PAXIP1: variants seen among roughly 807,000 people sequenced by gnomAD.
PAXIP1 encodes the protein PAX-interacting protein 1.
Under a neutral mutation model 140.6 loss-of-function variants are expected in PAXIP1, and 19 were observed. The ratio of observed to expected loss-of-function variants is 0.14; its 90% CI spans 0.09 to 0.20. The LOEUF (loss-of-function observed/expected upper bound fraction) is 0.20. Among genes scored for constraint, PAXIP1 ranks in the 10% least tolerant of loss-of-function variants. The pLI is 1.00. For synonymous variants in PAXIP1, 442 were observed against 444.6 expected (o/e 0.99, Z 0.07); for missense variants, 920 against 1,208.6 (o/e 0.76, Z 3.54).
chr7:154,974,725 T>G (rs1809487060), intron 6 of PAXIP1: 3 of 152,178 alleles, frequency 2.0e-5, no homozygotes, highest in Non-Finnish European at 4.4e-5. Flanking sequence ...CCACTTACTG[T>G]ATGTCTTCTC....
intron 12 of PAXIP1, among the ~76,000 whole-genome samples, 153 bp downstream of exon 12, chr7:154,960,737 AAAG>A (rs1467365624): frequency 2.0e-5 from 3 of 152,164 alleles, no homozygotes; most frequent in African/African-American, 7.2e-5. Context: ...GAGTGGGGAG[AAAG>A]AAGAAAGAGT....
chr7:154,976,013 A>G lies in PAXIP1; in HGVS notation c.757T>C (p.Ser253Pro). The G allele has an allele frequency of 3.1e-6, 5 of 1,612,572 alleles. No homozygotes were observed. The highest frequency in any genetic ancestry group is 4.2e-6 in the Non-Finnish European group (5 of 1,179,100). The change falls in exon 6 of 21, where the codon TCA becomes CCA. Residue 253 changes from serine (S) to proline (P), a missense_variant. By Grantham distance (74) the Ser-to-Pro change is moderately conservative (BLOSUM62 -1). Transcript: ENST00000404141. ...SKGELMFDDSSDSSPEKQERN... is the reference protein window; with the variant it reads ...SKGELMFDDSPDSSPEKQERN... ...TCCTGTTTTTCCGGTGATGAATCTGAAGAATCATCAAACATTAATTCCCCT... is the reference window on the plus strand; with the variant it reads ...TCCTGTTTTTCCGGTGATGAATCTGGAGAATCATCAAACATTAATTCCCCT...
At chr7:154,983,168 T>C in intron 5 of PAXIP1, 51 bp downstream of exon 5, 2 of 873,132 alleles carry the variant, frequency 2.3e-6, no homozygotes, top group Non-Finnish European at 3.6e-6. Context: ...ATGTGATTAC[T>C]AGAAATTCTT....
intron 4 of PAXIP1, among the ~76,000 whole-genome samples, chr7:154,984,965 G>A (rs1029754787): frequency 1.1e-4 from 17 of 152,126 alleles, no homozygotes; most frequent in African/African-American, 3.9e-4. Context: ...ACATCAGCTA[G>A]GGAGGAATGG....
At chr7:154,981,521 T>G (rs1018091025) in intron 5 of PAXIP1, among the ~76,000 whole-genome samples, 18 of 152,208 alleles carry the variant, frequency 1.2e-4, no homozygotes, top group African/African-American at 4.1e-4. Flanking sequence ...TAAGACAATA[T>G]TATAATTCCA....
chr7:154,969,425 A>T (rs1037991697), intron 6 of PAXIP1, among the ~76,000 whole-genome samples: 8 of 152,260 alleles, frequency 5.3e-5, no homozygotes, highest in African/African-American at 1.9e-4. Flanking sequence ...TGTTTGCCAG[A>T]GCAGGGCATG....
chr7:154,944,115 G>A lies in PAXIP1; in HGVS notation c.*34C>T, dbSNP rs765668176. ...CCAGCCAGACAGCCAGCCCCGCACC[G>A]CAGGAGTCGACATGCACGGCAGCCT... On this transcript the variant is annotated 3_prime_UTR_variant, in exon 21 of 21. Coordinates refer to ENST00000404141, the MANE Select transcript of PAXIP1 (RefSeq NM_007349.4). 3.1e-5 allele frequency: 50 copies of A among 1,610,018 alleles called. No individual in the cohort carries two copies. In the Admixed American group the frequency reaches 4.0e-4, roughly 13 times the overall value.
intron 6 of PAXIP1, among the ~76,000 whole-genome samples, chr7:154,971,987 T>C (rs1445959574): frequency 6.6e-6 from 1 of 152,254 alleles, no homozygotes; most frequent in Non-Finnish European, 1.5e-5. Flanking sequence ...TCACTAGAAA[T>C]GGATGGAGCC....
chr7:154,967,733 T>C (rs1307675699), intron 8 of PAXIP1, 83 bp downstream of exon 8: 1 of 899,536 alleles, frequency 1.1e-6, no homozygotes, highest in Non-Finnish European at 1.8e-6. Flanking sequence ...GCTCAGTGAA[T>C]GCAGCTAAGT....
In PAXIP1 at chr7:154,955,532, A is replaced by C; in HGVS notation, c.2649T>G (p.Ile883Met). The C allele has an allele frequency of 6.3e-7, 1 of 1,594,500 alleles. No homozygotes were observed. Among genetic ancestry groups the C allele is most frequent in the South Asian group, 1.1e-5 (1 of 90,214 alleles). The change falls in exon 15 of 21, where the codon ATT (isoleucine) becomes ATG (methionine). Residue 883 changes from isoleucine to methionine, a missense_variant. Transcript: ENST00000404141. ...TACGAAGTAGATGAAATTTCACCTT[A>C]ATATACTGTTGAACCTGGACAGGCT... Reference protein sequence around the residue: ...GFEPVQVQQYIKKLYILGGEV... With the variant: ...GFEPVQVQQYMKKLYILGGEV...
Position 154,961,648 on chromosome 7 carries a change from T to C in PAXIP1, c.2128A>G (p.Ile710Val). 1 of 1,583,314 alleles carries C rather than the reference T, an allele frequency of 6.3e-7. No individual in the cohort carries two copies. Among genetic ancestry groups the C allele is most frequent in the East Asian group, 2.2e-5 (1 of 44,452 alleles). Residue 710 changes from isoleucine to valine, a missense_variant and splice_region_variant, in exon 11 of 21, where the codon ATT (isoleucine) becomes GTT (valine). Physicochemically the swap from Ile to Val is conservative, Grantham distance 29. Transcript: ENST00000404141. ...PPGGKPCSQH[I>V]ISVTGFVDSD... ...TCAACAAATCCAGTCACAGAAATAA[T>C]CTAAGAAAAAAAGAGAAAATAAGGT...
chr7:154,976,925 A>G (rs1202350620), intron 5 of PAXIP1, among the ~76,000 whole-genome samples: 9 of 152,250 alleles, frequency 5.9e-5, no homozygotes, highest in Admixed American at 4.6e-4. Flanking sequence ...GGTTCTAAAG[A>G]GATATTAAAT....
At chr7:154,970,680 C>G (rs1223244768) in intron 6 of PAXIP1, among the ~76,000 whole-genome samples, 4 of 152,234 alleles carry the variant, frequency 2.6e-5, no homozygotes, top group African/African-American at 7.2e-5. Flanking sequence ...GCAAACACCC[C>G]CTAAGAAGCA....
intron 1 of PAXIP1, chr7:155,001,657 C>T (rs1173327735): frequency 6.6e-6 from 1 of 152,148 alleles, no homozygotes; most frequent in African/African-American, 2.4e-5. Context: ...GCCACCACGC[C>T]CGGCTAATTT....
At chr7:154,999,751 G>A (rs7810562) in intron 1 of PAXIP1, among the ~76,000 whole-genome samples, 12,880 of 152,202 alleles carry the variant, frequency 0.085, 1,202 homozygotes, top group African/African-American at 0.22. Context: ...TCTGGCAAGA[G>A]GCATCCAGTT....
intron 8 of PAXIP1, chr7:154,967,437 A>T (rs2150756035): frequency 6.0e-6 from 1 of 166,424 alleles, no homozygotes; most frequent in Non-Finnish European, 1.3e-5. Flanking sequence ...GGTTCTAGAG[A>T]TTCCAGGATT....
intron 1 of PAXIP1, among the ~76,000 whole-genome samples, chr7:154,999,424 TG>T (rs1379430363): frequency 6.6e-6 from 1 of 152,066 alleles, no homozygotes; most frequent in Non-Finnish European, 1.5e-5. Context: ...ACAGTCCATG[TG>T]AAAAGAAAGG....
chr7:154,962,253 C>G, intron 10 of PAXIP1, 68 bp downstream of exon 10: 1 of 1,577,740 alleles, frequency 6.3e-7, no homozygotes, highest in Non-Finnish European at 8.7e-7. Context: ...CAGGTAAGCA[C>G]TAGCAAGTGA....
Position 154,963,964 on chromosome 7 carries a change from C to A in PAXIP1, c.1894-198G>T. On this transcript the variant is annotated intron_variant, in intron 8 of 20. Coordinates refer to ENST00000404141, the MANE Select transcript of PAXIP1 (RefSeq NM_007349.4). This position sits in a 1 kb window ranked among gnomAD's most constrained non-coding sequence, Gnocchi z 4.1. ...TACAATGAAAATGAACTCCAATACTCTAAATTTAATCTGAATTCCCAGGAT... is the reference window on the plus strand; with the variant it reads ...TACAATGAAAATGAACTCCAATACTATAAATTTAATCTGAATTCCCAGGAT... 2 of 546,770 alleles carry A rather than the reference C, an allele frequency of 3.7e-6. No individual in the cohort carries two copies. Among genetic ancestry groups the A allele is most frequent in the Non-Finnish European group, 6.6e-6 (2 of 303,158 alleles). The allele number at this position is 546,770 out of a possible 1,614,324, so 33.9% of individuals were successfully genotyped here.
Sources: gnomAD v4.1 joint callset for allele counts (sites outside exome capture counted in the v4.1 genomes callset) on GRCh38, gnomAD v4.1.1 for gene constraint, Gnocchi (gnomAD v3.1) non-coding constraint, MANE v1.5 for transcripts, NCBI Gene and HGNC (gene_info 2026-07-23, HGNC 2026-07-21) for gene names.